SLC19A3: variants seen among roughly 807,000 people sequenced by gnomAD.
SLC19A3 encodes thiamine transporter 2.
Under a neutral mutation model 40.2 loss-of-function variants are expected in SLC19A3, and 31 were observed. The ratio of observed to expected loss-of-function variants is 0.77; its 90% CI spans 0.58 to 1.04. SLC19A3 has a LOEUF of 1.04. SLC19A3 is among the 50% of genes least tolerant of loss of function. The pLI is 0.00. For synonymous variants in SLC19A3, 212 were observed against 227.5 expected, an observed-to-expected ratio of 0.93 and a Z score of 0.61; for missense variants, 592 against 596.7, an observed-to-expected ratio of 0.99 and a Z score of 0.08.
chr2:227,711,089 C>A (rs1288708698), intron 1 of SLC19A3, among the ~76,000 whole-genome samples: 1 of 152,170 alleles, frequency 6.6e-6, no homozygotes, highest in East Asian at 1.9e-4. Context: ...ATTCCAGGGT[C>A]TTGCTTAACC....
At position 227,699,152 on chromosome 2, in the gene SLC19A3, A is replaced by G. The variant is rs1695566572; in HGVS notation, c.563T>C (p.Leu188Pro). ...ASVSVAFLFS[L>P]FLPMPKKSMF... is the part of the protein sequence containing the mutation. ...GCTTTTCTTGGGCATTGGTAGGAAA[A>G]GTGAGAAAAGGAAAGCCACGGAGAC... Residue 188 changes from leucine to proline, a missense_variant, in exon 3 of 6, where the codon CTT (leucine) becomes CCT (proline). By Grantham distance (98) the Leu-to-Pro change is moderately conservative. Coordinates refer to ENST00000644224, the MANE Select transcript of SLC19A3 (RefSeq NM_025243.4). The G allele has an allele frequency of 6.2e-7, 1 of 1,614,028 alleles. No individual in the cohort carries two copies. Among genetic ancestry groups the G allele is most frequent in the African/African-American group, 1.3e-5 (1 of 74,898 alleles).
intron 3 of SLC19A3, among the ~76,000 whole-genome samples, 196 bp from the exon 4 acceptor site, chr2:227,696,277 C>T (rs1020441722): frequency 6.6e-6 from 1 of 152,156 alleles, no homozygotes; most frequent in African/African-American, 2.4e-5. Context: ...TTTTCACTTG[C>T]TATTCTTTCG....
At chr2:227,693,339 C>G (rs747279165) in intron 4 of SLC19A3, among the ~76,000 whole-genome samples, 4 of 152,126 alleles carry the variant, frequency 2.6e-5, no homozygotes, top group Non-Finnish European at 5.9e-5. Flanking sequence ...CACTATAGAG[C>G]TATAGTAACC....
At position 227,684,242 on chromosome 2, in the gene SLC19A3, C is replaced by T. The variant is rs1196908733; in HGVS notation, c.*3155G>A. 1 of 152,172 alleles carries T rather than the reference C, an allele frequency of 6.6e-6. No individual in the cohort carries two copies. The highest frequency in any genetic ancestry group is 1.5e-5 in the Non-Finnish European group (1 of 68,038). 9.4% of individuals were successfully genotyped at this position (152,172 alleles called of 1,614,324 possible). On this transcript the variant is annotated 3_prime_UTR_variant, in exon 6 of 6. Coordinates refer to ENST00000644224, the MANE Select transcript of SLC19A3 (RefSeq NM_025243.4). ...ACTTGATAGTAGAGCTCTTAGAGTT[C>T]TGTGTCACTAAAGATCTTCCTCATT...
At chr2:227,717,346 T>C (rs1696369116) in intron 1 of SLC19A3, among the ~76,000 whole-genome samples, 1 of 152,230 alleles carries the variant, frequency 6.6e-6, no homozygotes, top group Non-Finnish European at 1.5e-5. Context: ...TTTTTCAAAC[T>C]TGAAGCACTC....
Position 227,688,311 on chromosome 2 carries a change from T to A in SLC19A3, c.1173-4A>T, listed in dbSNP as rs367737262. 4.0e-5 allele frequency: 64 copies of A among 1,613,526 alleles called. No individual in the cohort carries two copies. In the African/African-American group the frequency reaches 7.2e-4, roughly 18 times the overall value. On this transcript the variant is annotated splice_region_variant and splice_polypyrimidine_tract_variant and intron_variant, in intron 4 of 5. Coordinates refer to ENST00000644224, the MANE Select transcript of SLC19A3 (RefSeq NM_025243.4). ...CAGATTAACTGCAATCTGAAATCTA[T>A]CATTAAACATAAATAAGCATTTTAA... is the stretch of plus-strand genomic sequence containing the variant.
intron 2 of SLC19A3, among the ~76,000 whole-genome samples, chr2:227,700,318 C>T (rs1259348073): frequency 8.6e-5 from 13 of 151,962 alleles, no homozygotes; most frequent in African/African-American, 2.9e-4. Context: ...GCAGGCAGAT[C>T]ACGAGGTCAG....
intron 4 of SLC19A3, chr2:227,695,516 C>T (rs938758733): frequency 4.1e-6 from 1 of 246,692 alleles, no homozygotes; most frequent in South Asian, 4.9e-5. Flanking sequence ...GTTGGGGACT[C>T]ACCTGAGCCT....
chr2:227,692,011 C>T (rs1292630166), intron 4 of SLC19A3, among the ~76,000 whole-genome samples: 7 of 151,908 alleles, frequency 4.6e-5, no homozygotes, highest in African/African-American at 4.8e-5. Flanking sequence ...ACAACCTATC[C>T]GATTGAACCA....
At position 227,690,706 on chromosome 2, in the gene SLC19A3, CAAAAAAAAAA is replaced by C. The variant is rs34163746; in HGVS notation, c.1173-2409_1173-2400del. On this transcript the variant is annotated intron_variant, in intron 4 of 5. Transcript: ENST00000644224. ...TGGGTGACAGACCGAGACTCCATCTCAAAAAAAAAAAAAAAAAAAAAAAAAAATTGTAAAT... is the reference window on the plus strand; with the variant it reads ...TGGGTGACAGACCGAGACTCCATCTCAAAAAAAAAAAAAAAAATTGTAAAT... Among the ~76,000 whole-genome samples the C allele has an allele frequency of 9.2e-4, 36 of 39,168 alleles. 1 individual carries two copies. The highest frequency in any genetic ancestry group is 3.0e-3 in the African/African-American group (32 of 10,494). 25.7% of individuals were successfully genotyped at this position (39,168 alleles called of 152,430 possible). A position where few individuals can be genotyped will look rare whatever the true frequency, so the allele number is the denominator to read the frequency against.
At chr2:227,704,441 T>A (rs1225249109) in intron 1 of SLC19A3, among the ~76,000 whole-genome samples, 1 of 152,232 alleles carries the variant, frequency 6.6e-6, no homozygotes, top group East Asian at 1.9e-4. Flanking sequence ...TTAATTTTTC[T>A]TGGAGCATTC....
intron 2 of SLC19A3, chr2:227,701,206 C>G: frequency 1.3e-6 from 1 of 752,744 alleles, no homozygotes; most frequent in Admixed American, 3.6e-5. Context: ...AGGCACCCAT[C>G]AGCCTTGCAG....
In SLC19A3 at chr2:227,703,952, C is replaced by T. The variant is rs891098129; in HGVS notation, c.-2-1632G>A. ...TTCTTTAGGTTTCTAATACAGCTGT[C>T]CAAATCGATTTAGTTGGGATGGTCA... On this transcript the variant is annotated intron_variant, in intron 1 of 5. Coordinates refer to ENST00000644224, the MANE Select transcript of SLC19A3 (RefSeq NM_025243.4). This position sits in a 1 kb window ranked among gnomAD's most constrained non-coding sequence, Gnocchi z 4.7. 7.8e-5 allele frequency among the ~76,000 whole-genome samples: 11 copies of T among 141,732 alleles called. No homozygotes were observed. The highest frequency in any genetic ancestry group is 1.5e-4 in the Admixed American group (2 of 13,296). The allele number at this position is 141,732 out of a possible 152,430, so 93.0% of individuals were successfully genotyped here. A position where few individuals can be genotyped will look rare whatever the true frequency, so the allele number is the denominator to read the frequency against.
rs1695865588 is a variant in SLC19A3 at position 227,704,853 on chromosome 2, G to GA, written c.-2-2534dup. 2.0e-5 allele frequency among the ~76,000 whole-genome samples: 3 copies of GA among 151,226 alleles called. No individual in the cohort carries two copies. The Admixed American group carries it at 2.0e-4, about 10-fold the overall frequency. ...GTGCTTTTCATATTGTGGTGTCAAGGAAATTTAGTATGGGGTTGCAAACAG... is the reference window on the plus strand; with the variant it reads ...GTGCTTTTCATATTGTGGTGTCAAGGAAAATTTAGTATGGGGTTGCAAACAG... On this transcript the variant is annotated intron_variant, in intron 1 of 5. Coordinates refer to ENST00000644224, the MANE Select transcript of SLC19A3 (RefSeq NM_025243.4).
chr2:227,694,949 A>T (rs1438028265), intron 4 of SLC19A3, among the ~76,000 whole-genome samples: 1 of 151,956 alleles, frequency 6.6e-6, no homozygotes, highest in Non-Finnish European at 1.5e-5. Context: ...AGTTTCAGCT[A>T]CTCAGGAGGC....
intron 1 of SLC19A3, chr2:227,706,235 A>T (rs1695937870): frequency 9.5e-7 from 1 of 1,048,478 alleles, no homozygotes; most frequent in East Asian, 3.2e-5. Flanking sequence ...TCCGCCTCTA[A>T]AAAAGTGCTC....
At chr2:227,701,202 C>A in intron 2 of SLC19A3, 1 of 815,448 alleles carries the variant, frequency 1.2e-6, no homozygotes, top group Non-Finnish European at 1.7e-6. Flanking sequence ...CCCGAGGCAC[C>A]CATCAGCCTT....
intron 1 of SLC19A3, among the ~76,000 whole-genome samples, chr2:227,707,599 A>C (rs998024141): frequency 6.7e-6 from 1 of 148,734 alleles, no homozygotes; most frequent in Non-Finnish European, 1.5e-5. Context: ...TATACAATAA[A>C]ATAAAATATA....
At chr2:227,714,252 C>A (rs1304317052) in intron 1 of SLC19A3, among the ~76,000 whole-genome samples, 2 of 152,058 alleles carry the variant, frequency 1.3e-5, no homozygotes, top group Non-Finnish European at 2.9e-5. Context: ...AGGGCAAGGC[C>A]TCCGTATAAT....
Sources: gnomAD v4.1 joint callset for allele counts (sites outside exome capture counted in the v4.1 genomes callset) on GRCh38, gnomAD v4.1.1 for gene constraint, Gnocchi (gnomAD v3.1) non-coding constraint, MANE v1.5 for transcripts, NCBI Gene and HGNC (gene_info 2026-07-23, HGNC 2026-07-21) for gene names.